Variants in DRC7 observed in about 807,000 individuals in gnomAD.
DRC7 encodes the protein dynein regulatory complex subunit 7.
In DRC7, 80 loss-of-function variants were observed where a neutral mutation model predicts 104.4. The observed-to-expected ratio is 0.77, with a 90% CI of 0.64 to 0.92. DRC7 has a LOEUF of 0.92. Among genes scored for constraint, DRC7 ranks in the 40% least tolerant of loss-of-function variants. The pLI is 0.00. For missense variants in DRC7, 1,034 were observed against 1,141.1 expected, an observed-to-expected ratio of 0.91 and a Z score of 1.35; for synonymous variants, 405 against 447.3, an observed-to-expected ratio of 0.91 and a Z score of 1.19.
chr16:57,697,850 G>A (rs2048612464), intron 2 of DRC7, 63 bp from the exon 3 acceptor site: 3 of 1,517,168 alleles, frequency 2.0e-6, no homozygotes, highest in East Asian at 4.5e-5. Flanking sequence ...ATGCCCAGAT[G>A]GTGTTGGTGG....
At chr16:57,701,466 G>T (rs1188047818) in intron 5 of DRC7, 5 of 157,168 alleles carry the variant, frequency 3.2e-5, no homozygotes, top group African/African-American at 1.2e-4. Context: ...AGAGAGGGGA[G>T]GCCCGGCTGC....
chr16:57,730,084 A>AGTGG (rs2049040090), intron 17 of DRC7, among the ~76,000 whole-genome samples: 1 of 77,964 alleles, frequency 1.3e-5, no homozygotes, highest in Non-Finnish European at 2.4e-5. Flanking sequence ...TGGATGGGTG[A>AGTGG]GTGGGTGGGT....
chr16:57,713,926 G>T, intron 8 of DRC7: 1 of 176,146 alleles, frequency 5.7e-6, no homozygotes. Flanking sequence ...GGTCCCTTTA[G>T]TTACACTCAG....
At chr16:57,707,410 C>T in intron 7 of DRC7, 50 bp from the exon 8 acceptor site, 8 of 1,544,534 alleles carry the variant, frequency 5.2e-6, no homozygotes, top group Non-Finnish European at 7.0e-6. Flanking sequence ...GGGCCCCTGA[C>T]ACTCCTCTTC....
At chr16:57,729,078 A>T (rs2049011572) in intron 17 of DRC7, among the ~76,000 whole-genome samples, 1 of 145,782 alleles carries the variant, frequency 6.9e-6, no homozygotes, top group Non-Finnish European at 1.5e-5. Flanking sequence ...GAGTGGATGG[A>T]TGAGTGGGTA....
chr16:57,724,532 C>T, intron 12 of DRC7, 83 bp from the exon 13 acceptor site: 2 of 929,146 alleles, frequency 2.2e-6, no homozygotes, highest in Non-Finnish European at 1.6e-6. Context: ...TCTCCCTGGG[C>T]CTGGGGTTGG....
Position 57,699,034 on chromosome 16 carries a change from G to C in DRC7, c.378+10G>C. On this transcript the variant is annotated intron_variant, in intron 4 of 18. Coordinates refer to ENST00000360716, the MANE Select transcript of DRC7 (RefSeq NM_001289162.2). ...CGAGTGTGAAGTGCCCGTAAGGCTG[G>C]CATGTTGAGGGCAGGGCTGGGGAGC... The C allele has an allele frequency of 1.2e-6, 2 of 1,612,842 alleles. No homozygotes were observed. The highest frequency in any genetic ancestry group is 1.7e-6 in the Non-Finnish European group (2 of 1,179,362).
chr16:57,713,279 A>G (rs1313272648), intron 8 of DRC7, among the ~76,000 whole-genome samples: 1 of 152,198 alleles, frequency 6.6e-6, no homozygotes, highest in African/African-American at 2.4e-5. Flanking sequence ...CAAATCTTAT[A>G]TATCTTTGCT....
intron 3 of DRC7, 69 bp downstream of exon 3, chr16:57,698,221 G>A: frequency 6.2e-7 from 1 of 1,604,242 alleles, no homozygotes; most frequent in Non-Finnish European, 8.5e-7. Context: ...CCCAGGCAGA[G>A]TGCTGGTGCC....
At chr16:57,704,051 C>A (rs2048686838) in intron 6 of DRC7, among the ~76,000 whole-genome samples, 1 of 148,498 alleles carries the variant, frequency 6.7e-6, no homozygotes, top group Non-Finnish European at 1.5e-5. Context: ...TAATGATTAA[C>A]ATTATATCAA....
At chr16:57,722,884 G>A in intron 11 of DRC7, 43 bp downstream of exon 11, 3 of 1,612,718 alleles carry the variant, frequency 1.9e-6, no homozygotes, top group Non-Finnish European at 2.5e-6. Flanking sequence ...CCAGCCCAGG[G>A]GCGGGGGCGG....
chr16:57,726,001 G>T, intron 13 of DRC7, 67 bp from the exon 14 acceptor site: 1 of 1,381,900 alleles, frequency 7.2e-7, no homozygotes, highest in Non-Finnish European at 1.0e-6. Flanking sequence ...CTGCCTGCGG[G>T]CATGCACAGA....
chr16:57,727,194 C>T (rs1597813114), intron 15 of DRC7, 105 bp from the exon 16 acceptor site: 2 of 926,076 alleles, frequency 2.2e-6, no homozygotes, highest in Admixed American at 1.9e-5. Context: ...TGGTCTCAAA[C>T]TCCTGAATTC....
intron 17 of DRC7, among the ~76,000 whole-genome samples, chr16:57,730,679 A>G (rs997847874): frequency 7.3e-6 from 1 of 137,740 alleles, no homozygotes; most frequent in Non-Finnish European, 1.5e-5. Context: ...CCAGAGCTAC[A>G]TGGCTCTCTC....
At chr16:57,722,518 C>T (rs1346654666) in intron 10 of DRC7, among the ~76,000 whole-genome samples, 195 bp from the exon 11 acceptor site, 2 of 152,126 alleles carry the variant, frequency 1.3e-5, no homozygotes, top group African/African-American at 4.8e-5. Flanking sequence ...ATCTGTGCTT[C>T]TGCCTGGCCT....
chr16:57,695,137 A>T (rs1231802493), intron 1 of DRC7, among the ~76,000 whole-genome samples: 3 of 151,948 alleles, frequency 2.0e-5, no homozygotes, highest in African/African-American at 7.3e-5. Context: ...TAGGGAATAA[A>T]GTGCTGTGGG....
chr16:57,722,603 A>G (rs1252083742), intron 10 of DRC7, 110 bp from the exon 11 acceptor site: 3 of 1,435,410 alleles, frequency 2.1e-6, no homozygotes, highest in Non-Finnish European at 2.9e-6. Context: ...TTGGGGCTGG[A>G]GGAGTTCAGT....
intron 1 of DRC7, 124 bp from the exon 2 acceptor site, chr16:57,696,340 T>A (rs979719048): frequency 2.0e-5 from 3 of 152,412 alleles, no homozygotes; most frequent in Admixed American, 2.0e-4. Flanking sequence ...TTAGCCCTCA[T>A]GTGTGGCCAC....
chr16:57,723,276 C>A, intron 12 of DRC7, 146 bp downstream of exon 12: 1 of 919,492 alleles, frequency 1.1e-6, no homozygotes, highest in Admixed American at 2.9e-5. Context: ...TGCCCTGCCT[C>A]CCTCAGCAAA....
Sources: allele counts gnomAD v4.1 joint callset (sites outside exome capture counted in the v4.1 genomes callset), GRCh38; gene constraint gnomAD v4.1.1; transcripts MANE v1.5; gene names NCBI Gene and HGNC (gene_info 2026-07-23, HGNC 2026-07-21).